FAT1: variants seen among roughly 807,000 people sequenced by gnomAD.
FAT1 encodes FAT atypical cadherin 1, also known as protocadherin Fat 1.
FAT1 carries 171 observed loss-of-function variants against 329.8 expected under a neutral mutation model. That is an observed-to-expected ratio of 0.52 (90% confidence interval 0.46 to 0.59). FAT1 has a LOEUF of 0.59. Among genes scored for constraint, FAT1 ranks in the 20% least tolerant of loss-of-function variants. FAT1 has a pLI of 0.00. For missense variants in FAT1, 5,672 were observed against 5,774.4 expected, an observed-to-expected ratio of 0.98 and a Z score of 0.57; for synonymous variants, 2,233 against 2,228.6, an observed-to-expected ratio of 1.00 and a Z score of -0.06.
Position 186,620,401 on chromosome 4 carries a change from A to G in FAT1, c.6185T>C (p.Val2062Ala), listed in dbSNP as rs1161419320. Reference sequence around the variant, plus strand: ...AATGACCTTCACGACAACGTGGGCCACTGCAGAAGGCTTATGTTCCTCTGT... The same window carrying G: ...AATGACCTTCACGACAACGTGGGCCGCTGCAGAAGGCTTATGTTCCTCTGT... ...EVTEEHKPSA[V>A]AHVVVKVIVE... The change falls in exon 10 of 27, where the codon GTG becomes GCG. Residue 2062 changes from valine (V) to alanine (A), a missense_variant. Physicochemically the swap from Val to Ala is moderately conservative, Grantham distance 64 (BLOSUM62 0). This residue lies in a region of FAT1 where 3,966 missense variants were observed against 3,915.2 expected (regional missense o/e 1.01). Coordinates refer to ENST00000441802, the MANE Select transcript of FAT1 (RefSeq NM_005245.4). 3 of 1,614,036 alleles carry G rather than the reference A, an allele frequency of 1.9e-6. No individual in the cohort carries two copies.
At chr4:186,622,194 T>C (rs949352099) in intron 9 of FAT1, among the ~76,000 whole-genome samples, 1 of 152,252 alleles carries the variant, frequency 6.6e-6, no homozygotes. Flanking sequence ...TTAAGATATG[T>C]ATTCATTACG....
intron 3 of FAT1, among the ~76,000 whole-genome samples, chr4:186,649,012 T>C (rs1741505387): frequency 6.6e-6 from 1 of 152,184 alleles, no homozygotes; most frequent in Admixed American, 6.5e-5. Context: ...CTATTTGAGA[T>C]ACAGAGAAAC....
rs1340754587 is a variant in FAT1 at position 186,633,798 on chromosome 4, A to G, written c.4209T>C (p.Asp1403=). The G allele has an allele frequency of 2.5e-6, 4 of 1,613,894 alleles. No homozygotes were observed. Among genetic ancestry groups the G allele is most frequent in the Middle Eastern group, 1.6e-4 (1 of 6,084 alleles). Residue 1403 remains aspartate (D), a synonymous_variant, in exon 7 of 27, where the codon GAT becomes GAC. Transcript: ENST00000441802. ...TGATGGTTCCAGTTCCCTTGTCCAC[A>G]TCGAAGTGACTGTCGTAGTTGCCAC... ...ITGGNYDSHF[D]VDKGTGTIIV...
Position 186,611,761 on chromosome 4 carries a change from T to A in FAT1, c.9478A>T (p.Ile3160Phe), listed in dbSNP as rs759365799. Residue 3160 changes from isoleucine to phenylalanine, a missense_variant, in exon 14 of 27, where the codon ATT becomes TTT. Physicochemically the swap from Ile to Phe is conservative, Grantham distance 21 (BLOSUM62 0). Coordinates refer to ENST00000441802, the MANE Select transcript of FAT1 (RefSeq NM_005245.4). Reference sequence around the variant, plus strand: ...GCAGAGTCAATCAGTGAGTATAAAATCTTCCGATTTAATCCTATGAAGACA... The same window carrying A: ...GCAGAGTCAATCAGTGAGTATAAAAACTTCCGATTTAATCCTATGAAGACA... The part of the protein sequence containing the change: ...TDADAGLNRK[I>F]LYSLIDSADG... 1 of 1,570,874 alleles carries A rather than the reference T, an allele frequency of 6.4e-7. No homozygotes were observed. The highest frequency in any genetic ancestry group is 8.6e-7 in the Non-Finnish European group (1 of 1,157,254).
chr4:186,715,873 G>A (rs1377364367), intron 1 of FAT1, among the ~76,000 whole-genome samples: 2 of 151,952 alleles, frequency 1.3e-5, no homozygotes, highest in Admixed American at 6.6e-5. Flanking sequence ...CTATAAATAC[G>A]GCAGAAAAAT....
chr4:186,630,987 C>T (rs76897679), intron 7 of FAT1, among the ~76,000 whole-genome samples: 2,761 of 152,288 alleles, frequency 0.018, 84 homozygotes, highest in African/African-American at 0.063. Context: ...AAGCCACACA[C>T]GCAGGACAGG....
In FAT1 at chr4:186,598,085, G is replaced by T. The variant is rs780625419; in HGVS notation, c.12144C>A (p.His4048Gln). 6.2e-7 allele frequency: 1 copy of T among 1,613,808 alleles called. No individual in the cohort carries two copies. Among genetic ancestry groups the T allele is most frequent in the South Asian group, 1.1e-5 (1 of 91,022 alleles). The change falls in exon 23 of 27, where the codon CAC becomes CAA. Residue 4048 changes from histidine to glutamine, a missense_variant. By Grantham distance (24) the His-to-Gln change is conservative (BLOSUM62 0). This residue lies in a region of FAT1 where 1,706 missense variants were observed against 1,859.1 expected (regional missense o/e 0.92). Transcript: ENST00000441802. ...CKCSALYIGTHCEISVNPCSS... is the reference protein window; with the variant it reads ...CKCSALYIGTQCEISVNPCSS... The stretch of plus-strand genomic sequence containing the variant: ...AACACGGATTGACGCTTATCTCACA[G>T]TGGGTCCCTATGTACAAGGCACTGC...
chr4:186,711,071 A>G lies in FAT1; in HGVS notation c.-18-1226T>C, dbSNP rs145424550. The stretch of plus-strand genomic sequence containing the variant: ...CTTGCAAAGTGACTCTCAAATTAAT[A>G]TTCACAAAATGTGAATGCTACCAGA... On this transcript the variant is annotated intron_variant, in intron 1 of 26. Transcript: ENST00000441802. Among the ~76,000 whole-genome samples the G allele has an allele frequency of 1.9e-3, 284 of 152,350 alleles. 1 individual carries two copies. Among genetic ancestry groups the G allele is most frequent in the African/African-American group, 6.7e-3 (280 of 41,578 alleles).
intron 2 of FAT1, among the ~76,000 whole-genome samples, chr4:186,697,430 G>T (rs896023125): frequency 6.6e-6 from 1 of 152,214 alleles, no homozygotes; most frequent in African/African-American, 2.4e-5. Flanking sequence ...CTCTCCGAGG[G>T]ATGATGCACA....
chr4:186,603,069 T>C, intron 19 of FAT1, 35 bp from the exon 20 acceptor site: 1 of 1,613,130 alleles, frequency 6.2e-7, no homozygotes, highest in South Asian at 1.1e-5. Flanking sequence ...GAAAAGATAA[T>C]TAACAGACAT....
At chr4:186,702,852 A>G (rs1417486208) in intron 2 of FAT1, among the ~76,000 whole-genome samples, 1 of 152,194 alleles carries the variant, frequency 6.6e-6, no homozygotes, top group Non-Finnish European at 1.5e-5. Flanking sequence ...GCTGAGACGC[A>G]TGGCAGGCAG....
chr4:186,617,766 T>G lies in FAT1; in HGVS notation c.8820A>C (p.Leu2940Phe). 3 of 1,613,244 alleles carry G rather than the reference T, an allele frequency of 1.9e-6. No individual in the cohort carries two copies. In the South Asian group the frequency reaches 3.3e-5, roughly 18 times the overall value. The change falls in exon 10 of 27, where the codon TTA becomes TTC. Residue 2940 changes from leucine (L) to phenylalanine (F), a missense_variant. Leu to Phe is a conservative substitution (Grantham distance 22). This residue lies in a region of FAT1 where 3,966 missense variants were observed against 3,915.2 expected (regional missense o/e 1.01). Coordinates refer to ENST00000441802, the MANE Select transcript of FAT1 (RefSeq NM_005245.4). ...CTTCAGAATCAGCATCCGTGGTACT[T>G]AAGATGGCAATCACCCCACCTTGGG... is the stretch of plus-strand genomic sequence containing the variant. ...DDPQGGVIAI[L>F]STTDADSEEI... is the part of the protein sequence containing the mutation.
chr4:186,587,908 T>C lies in FAT1; in HGVS notation c.*684A>G, dbSNP rs934527961. On this transcript the variant is annotated 3_prime_UTR_variant, in exon 27 of 27. Transcript: ENST00000441802. ...TACAGACACTATAAAAACTGTGTCA[T>C]GGTGGTTTTGGTTCTAAACAGGTAT... is the stretch of plus-strand genomic sequence containing the variant. 4.6e-5 allele frequency: 10 copies of C among 218,164 alleles called. No individual in the cohort carries two copies. Among genetic ancestry groups the C allele is most frequent in the African/African-American group, 6.8e-5 (3 of 44,422 alleles). 13.5% of individuals were successfully genotyped at this position (218,164 alleles called of 1,614,324 possible).
At chr4:186,647,320 C>A (rs1178443646) in intron 3 of FAT1, among the ~76,000 whole-genome samples, 1 of 152,116 alleles carries the variant, frequency 6.6e-6, no homozygotes, top group Non-Finnish European at 1.5e-5. Flanking sequence ...TCACAGCAAC[C>A]CTAGAAGGGA....
intron 2 of FAT1, among the ~76,000 whole-genome samples, chr4:186,687,833 A>C (rs1743547095): frequency 6.6e-6 from 1 of 152,204 alleles, no homozygotes; most frequent in Non-Finnish European, 1.5e-5. Flanking sequence ...GAAGGCAGTC[A>C]ACAAAACTAC....
rs1744733715 is a variant in FAT1 at position 186,708,092 on chromosome 4, G to A, written c.1736C>T (p.Pro579Leu). 2 of 1,613,774 alleles carry A rather than the reference G, an allele frequency of 1.2e-6. No individual in the cohort carries two copies. The highest frequency in any genetic ancestry group is 2.7e-5 in the African/African-American group (2 of 74,882). Residue 579 changes from proline to leucine, a missense_variant, in exon 2 of 27, where the codon CCC becomes CTC. By Grantham distance (98) the Pro-to-Leu change is moderately conservative (BLOSUM62 -3). Around this residue, in one of 2 missense-constraint regions of FAT1, gnomAD observed 3,966 missense variants for 3,915.2 expected, o/e 1.01. Coordinates refer to ENST00000441802, the MANE Select transcript of FAT1 (RefSeq NM_005245.4). ...TTGCTCTCCCACGCCTAGATCTCTG[G>A]GAATTGTCCCTTCACAATTTATTTT... ...FEKINCEGTI[P>L]RDLGVGEQIT...
intron 18 of FAT1, 92 bp downstream of exon 18, chr4:186,604,285 A>C (rs987525683): frequency 3.8e-5 from 41 of 1,087,094 alleles, no homozygotes; most frequent in Non-Finnish European, 5.2e-5. Context: ...TTTTTGTATG[A>C]AATGTAAGCT....
Position 186,614,211 on chromosome 4 carries a change from A to C in FAT1, c.9209T>G (p.Phe3070Cys), listed in dbSNP as rs1232223986. ...ATTACCTGTGTCTGGATTTAGTTTG[A>C]ATTTTTCTGCACCTGAACCCAATAA... is the stretch of plus-strand genomic sequence containing the variant. Reference protein sequence around the residue: ...YTLLGSGAEKFKLNPDTGELK... With the variant: ...YTLLGSGAEKCKLNPDTGELK... Residue 3070 changes from phenylalanine to cysteine, a missense_variant, in exon 12 of 27, where the codon TTC becomes TGC. Physicochemically the swap from Phe to Cys is radical, Grantham distance 205. Coordinates refer to ENST00000441802, the MANE Select transcript of FAT1 (RefSeq NM_005245.4). The C allele has an allele frequency of 6.2e-7, 1 of 1,600,358 alleles. No homozygotes were observed. Among genetic ancestry groups the C allele is most frequent in the South Asian group, 1.1e-5 (1 of 87,626 alleles).
At chr4:186,701,317 C>T (rs1744299507) in intron 2 of FAT1, among the ~76,000 whole-genome samples, 2 of 152,148 alleles carry the variant, frequency 1.3e-5, no homozygotes, top group Non-Finnish European at 2.9e-5. Context: ...TCCCAGAACA[C>T]AGCAACAACA....
Sources: allele counts gnomAD v4.1 joint callset (sites outside exome capture counted in the v4.1 genomes callset), GRCh38; gene constraint gnomAD v4.1.1; regional missense constraint gnomAD v4.1.1; transcripts MANE v1.5; gene names NCBI Gene and HGNC (gene_info 2026-07-23, HGNC 2026-07-21).